MYNN: variants seen among roughly 807,000 people sequenced by gnomAD.
MYNN encodes the protein zinc finger and BTB domain-containing protein 31.
Under a neutral mutation model 57.2 loss-of-function variants are expected in MYNN, and 22 were observed. The observed-to-expected ratio is 0.38, with a 90% CI of 0.27 to 0.55. MYNN has a LOEUF of 0.55. Ranked by LOEUF, MYNN falls within the 20% of genes least tolerant of loss-of-function variation. The pLI is 0.71. For missense variants in MYNN, 566 were observed against 723.1 expected, an observed-to-expected ratio of 0.78 and a Z score of 2.49; for synonymous variants, 241 against 257.1, an observed-to-expected ratio of 0.94 and a Z score of 0.60.
At chr3:169,785,706 A>G (rs1420498300) in intron 7 of MYNN, among the ~76,000 whole-genome samples, 1 of 152,054 alleles carries the variant, frequency 6.6e-6, no homozygotes, top group Non-Finnish European at 1.5e-5. Context: ...GTAGTTTGGG[A>G]AGAATACAGA....
rs1778275845 is a variant in MYNN, at chr3:169,774,682, ATGTT to A, written c.266+127_266+130del. On this transcript the variant is annotated intron_variant, in intron 2 of 7. Transcript: ENST00000349841. ...AATTCTTCACCTATTTATGCACACA[ATGTT>A]TGTTTTTATAAAGAAATCAGTATCA... 1.3e-5 allele frequency: 12 copies of A among 909,252 alleles called. No individual in the cohort carries two copies. In the East Asian group the frequency reaches 2.7e-4, roughly 20 times the overall value. 56.3% of individuals were successfully genotyped at this position (909,252 alleles called of 1,614,324 possible).
intron 4 of MYNN, 30 bp downstream of exon 4, chr3:169,780,779 T>C: frequency 6.4e-7 from 1 of 1,558,512 alleles, no homozygotes; most frequent in Non-Finnish European, 8.7e-7. Context: ...GTTTGATCTT[T>C]TAGTCTTTTA....
chr3:169,780,886 C>A, intron 4 of MYNN, 137 bp downstream of exon 4: 1 of 773,366 alleles, frequency 1.3e-6, no homozygotes, highest in Non-Finnish European at 1.9e-6. Flanking sequence ...GTTCAAGGAA[C>A]CACAAGGAAG....
chr3:169,776,054 C>T (rs1251186192), intron 2 of MYNN, among the ~76,000 whole-genome samples: 1 of 152,076 alleles, frequency 6.6e-6, no homozygotes, highest in Non-Finnish European at 1.5e-5. Context: ...AGGAAAAGAG[C>T]AGTGTGAATT....
rs1460939672 is a variant in MYNN, at chr3:169,778,913, T to A, written c.412T>A (p.Leu138Met). The change falls in exon 3 of 8, where the codon TTG becomes ATG. Residue 138 changes from leucine (L) to methionine (M), a missense_variant. Around this residue, in one of 4 missense-constraint regions of MYNN, gnomAD observed 261 missense variants for 280.8 expected, o/e 0.93. Transcript: ENST00000349841. Reference sequence around the variant, plus strand: ...ATCTAGTATTACTGGAAACATTGAATTGAATCAACAGACTTGTCTTCTTAC... The same window carrying A: ...ATCTAGTATTACTGGAAACATTGAAATGAATCAACAGACTTGTCTTCTTAC... Reference protein sequence around the residue: ...EISSITGNIELNQQTCLLTLR... With the variant: ...EISSITGNIEMNQQTCLLTLR... 1.2e-6 allele frequency: 2 copies of A among 1,613,982 alleles called. No homozygotes were observed. Among genetic ancestry groups the A allele is most frequent in the Non-Finnish European group, 1.7e-6 (2 of 1,180,028 alleles).
chr3:169,783,755 T>C (rs1283371294), intron 6 of MYNN, 195 bp downstream of exon 6: 1 of 639,136 alleles, frequency 1.6e-6, no homozygotes, highest in Non-Finnish European at 2.9e-6. Context: ...ATTAAATTTG[T>C]TAAAGAATTG....
At chr3:169,775,757 A>G (rs930338672) in intron 2 of MYNN, among the ~76,000 whole-genome samples, 1 of 152,078 alleles carries the variant, frequency 6.6e-6, no homozygotes, top group Non-Finnish European at 1.5e-5. Context: ...TAACCTTTTG[A>G]TATATATTAA....
At chr3:169,776,363 G>C (rs1778340906) in intron 2 of MYNN, among the ~76,000 whole-genome samples, 1 of 152,230 alleles carries the variant, frequency 6.6e-6, no homozygotes, top group Non-Finnish European at 1.5e-5. Context: ...TCAGGGGCCA[G>C]ATTACCTTGG....
chr3:169,781,471 A>G (rs996480011), intron 4 of MYNN, among the ~76,000 whole-genome samples: 2 of 152,240 alleles, frequency 1.3e-5, no homozygotes, highest in Non-Finnish European at 2.9e-5. Flanking sequence ...TCATCAGCAT[A>G]TGACAGTATT....
chr3:169,785,073 G>A (rs550144389), intron 7 of MYNN, among the ~76,000 whole-genome samples: 2 of 146,762 alleles, frequency 1.4e-5, no homozygotes, highest in South Asian at 2.2e-4. Context: ...AAAAAAAAGG[G>A]GGGGGGGGTG....
chr3:169,775,225 G>A (rs887318479), intron 2 of MYNN, among the ~76,000 whole-genome samples: 2 of 152,156 alleles, frequency 1.3e-5, no homozygotes, highest in African/African-American at 4.8e-5. Context: ...GCTTACTGAT[G>A]TCACTGCATT....
In MYNN at chr3:169,778,919, C is replaced by A; in HGVS notation, c.418C>A (p.Gln140Lys). ...TATTACTGGAAACATTGAATTGAAT[C>A]AACAGACTTGTCTTCTTACTCTGCG... Reference protein sequence around the residue: ...SSITGNIELNQQTCLLTLRDY... With the variant: ...SSITGNIELNKQTCLLTLRDY... The change falls in exon 3 of 8, where the codon CAA becomes AAA. Residue 140 changes from glutamine to lysine, a missense_variant. Physicochemically the swap from Gln to Lys is moderately conservative, Grantham distance 53. Around this residue, in one of 4 missense-constraint regions of MYNN, gnomAD observed 261 missense variants for 280.8 expected, o/e 0.93. Transcript: ENST00000349841. 1 of 1,613,980 alleles carries A rather than the reference C, an allele frequency of 6.2e-7. No homozygotes were observed. Among genetic ancestry groups the A allele is most frequent in the African/African-American group, 1.3e-5 (1 of 75,030 alleles).
chr3:169,778,371 T>C (rs1174030034), intron 2 of MYNN: 1 of 163,002 alleles, frequency 6.1e-6, no homozygotes, highest in African/African-American at 2.4e-5. Flanking sequence ...AGGAAACAAG[T>C]GTCATTAGAC....
In MYNN at chr3:169,784,674, A is replaced by G. The variant is rs771782466; in HGVS notation, c.1536A>G (p.Lys512=). The G allele has an allele frequency of 6.3e-7, 1 of 1,582,106 alleles. No individual in the cohort carries two copies. The highest frequency in any genetic ancestry group is 1.8e-5 in the Admixed American group (1 of 54,276). ...ELCGNSYTDI[K]NLKKHKTKVH... The stretch of plus-strand genomic sequence containing the variant: ...GTGGAAATTCTTACACAGATATTAA[A>G]AATTTAAAGAAGCACAAAACAAAAG... The change falls in exon 7 of 8, where the codon AAA becomes AAG. Residue 512 remains lysine (K), a synonymous_variant. Transcript: ENST00000349841.
chr3:169,782,669 T>G lies in MYNN; in HGVS notation c.1399+26T>G. ...GTAAGTTTGACAGGGAGAGACTGCT[T>G]AAAATAAAGTTATAAATAAAAGAAA... On this transcript the variant is annotated intron_variant, in intron 5 of 7. Transcript: ENST00000349841. This position sits in a 1 kb window ranked among gnomAD's most constrained non-coding sequence, Gnocchi z 4.8. The G allele has an allele frequency of 6.3e-7, 1 of 1,585,502 alleles. No homozygotes were observed. Among genetic ancestry groups the G allele is most frequent in the Non-Finnish European group, 8.6e-7 (1 of 1,168,230 alleles).
intron 2 of MYNN, 62 bp from the exon 3 acceptor site, chr3:169,778,706 A>C (rs962128172): frequency 6.8e-6 from 9 of 1,316,900 alleles, no homozygotes; most frequent in Middle Eastern, 2.6e-4. Flanking sequence ...GTATATATGC[A>C]GCTCTGTTTC....
intron 2 of MYNN, 153 bp from the exon 3 acceptor site, chr3:169,778,615 G>A (rs765966530): frequency 2.1e-4 from 123 of 588,744 alleles, no homozygotes; most frequent in Non-Finnish European, 3.0e-4. Context: ...ACATTATTCT[G>A]AATGAATTTA....
Position 169,780,649 on chromosome 3 carries a change from G to C in MYNN, c.1120G>C (p.Val374Leu), listed in dbSNP as rs753258214. Residue 374 changes from valine (V) to leucine (L), a missense_variant, in exon 4 of 8, where the codon GTC (valine) becomes CTC (leucine). Transcript: ENST00000349841. ...DKGFAQKCQL[V>L]FHSRMHHGEE... ...AGGATTTGCTCAGAAATGTCAGCTA[G>C]TCTTCCATAGTCGCATGCATCATGG... is the stretch of plus-strand genomic sequence containing the variant. The C allele has an allele frequency of 6.2e-7, 1 of 1,612,892 alleles. No homozygotes were observed. The highest frequency in any genetic ancestry group is 1.1e-5 in the South Asian group (1 of 90,778).
chr3:169,784,076 A>G (rs1470328626), intron 6 of MYNN, among the ~76,000 whole-genome samples: 2 of 152,010 alleles, frequency 1.3e-5, no homozygotes, highest in African/African-American at 4.8e-5. Context: ...CATAATTCCT[A>G]CCTAGAATAA....
Sources: gnomAD v4.1 joint callset for allele counts (sites outside exome capture counted in the v4.1 genomes callset) on GRCh38, gnomAD v4.1.1 for gene constraint, gnomAD v4.1.1 regional missense constraint, Gnocchi (gnomAD v3.1) non-coding constraint, MANE v1.5 for transcripts, NCBI Gene and HGNC (gene_info 2026-07-23, HGNC 2026-07-21) for gene names.